The following MID1 variants were observed in gnomAD, a reference collection of about 807,000 sequenced individuals.
MID1 encodes midline 1.
MID1 carries 7 observed loss-of-function variants against 40.4 expected under a neutral mutation model. The ratio of observed to expected loss-of-function variants is 0.17; its 90% CI spans 0.10 to 0.33. The LOEUF is 0.33. MID1 is among the 10% of genes least tolerant of loss of function. The pLI is 1.00. For missense variants in MID1, 367 were observed against 558.5 expected, an observed-to-expected ratio of 0.66 and a Z score of 3.46; for synonymous variants, 229 against 221.2, an observed-to-expected ratio of 1.04 and a Z score of -0.31.
At chrX:10,499,067 A>C (rs144292647) in intron 3 of MID1, among the ~76,000 whole-genome samples, 7,890 of 112,029 alleles carry the variant, frequency 0.07, 577 homozygotes, top group African/African-American at 0.21. Flanking sequence ...TCAGAAATAC[A>C]TGAGGGTTCC....
At chrX:10,667,667 T>C (rs1289732750) in intron 1 of MID1, among the ~76,000 whole-genome samples, 2 of 111,305 alleles carry the variant, frequency 1.8e-5, no homozygotes, top group Non-Finnish European at 3.8e-5. Flanking sequence ...CTAGCATTTG[T>C]GAAGGGGGAC....
chrX:10,761,781 A>G (rs958881540), intron 1 of MID1, among the ~76,000 whole-genome samples: 1 of 112,030 alleles, frequency 8.9e-6, no homozygotes, highest in African/African-American at 3.2e-5. Context: ...CTAAGCCACT[A>G]TGTATGAAGG....
At chrX:10,815,635 A>T (rs192441952) in intron 1 of MID1, among the ~76,000 whole-genome samples, 67 of 112,507 alleles carry the variant, frequency 6.0e-4, no homozygotes, top group African/African-American at 2.1e-3. Flanking sequence ...TGGGAACTGG[A>T]AACCCTAAAG....
chrX:10,707,094 C>T (rs575014851), intron 1 of MID1, among the ~76,000 whole-genome samples: 7 of 111,731 alleles, frequency 6.3e-5, no homozygotes, highest in South Asian at 7.5e-4. Context: ...GTTGTTACTT[C>T]TGGCAGGTTA....
chrX:10,522,759 G>A (rs1368329122), intron 3 of MID1, among the ~76,000 whole-genome samples: 1 of 111,698 alleles, frequency 9.0e-6, no homozygotes, highest in Non-Finnish European at 1.9e-5. Flanking sequence ...GCCTCCCAAA[G>A]TGCTGGGGTT....
At chrX:10,465,214 TACACACAC>T (rs775197915) in intron 7 of MID1, among the ~76,000 whole-genome samples, 53 of 39,882 alleles carry the variant, frequency 1.3e-3, no homozygotes, top group African/African-American at 4.0e-3. Flanking sequence ...TATATATATA[TACACACAC>T]ACACACACAC....
chrX:10,825,131 G>C (rs1225823510), intron 1 of MID1, among the ~76,000 whole-genome samples: 1 of 111,958 alleles, frequency 8.9e-6, no homozygotes, highest in Non-Finnish European at 1.9e-5. Context: ...ATACAGTTCA[G>C]TTCTAAAATA....
At chrX:10,677,160 T>G (rs1321896795) in intron 1 of MID1, among the ~76,000 whole-genome samples, 1 of 112,018 alleles carries the variant, frequency 8.9e-6, no homozygotes, top group East Asian at 2.8e-4. Flanking sequence ...TATGAAAAAG[T>G]GATCGATATG....
chrX:10,753,592 G>A (rs974295254), intron 1 of MID1, among the ~76,000 whole-genome samples: 1 of 110,995 alleles, frequency 9.0e-6, no homozygotes, highest in Non-Finnish European at 1.9e-5. Flanking sequence ...TAAATGAAAG[G>A]TGTTTAAAAT....
intron 1 of MID1, among the ~76,000 whole-genome samples, chrX:10,748,506 C>A (rs897642418): frequency 6.3e-5 from 7 of 111,641 alleles, no homozygotes; most frequent in Non-Finnish European, 1.3e-4. Context: ...GTAAACTTTT[C>A]TCTTAAGTTA....
At chrX:10,654,674 T>C (rs2042857929) in intron 1 of MID1, among the ~76,000 whole-genome samples, 1 of 112,331 alleles carries the variant, frequency 8.9e-6, no homozygotes, top group Non-Finnish European at 1.9e-5. Context: ...AGCCACAGAC[T>C]GGGACCGGTA....
intron 1 of MID1, among the ~76,000 whole-genome samples, chrX:10,586,436 A>C (rs904235584): frequency 9.0e-6 from 1 of 111,479 alleles, no homozygotes; most frequent in African/African-American, 3.3e-5. Flanking sequence ...ACTGATGTTT[A>C]AGGATGGTCT....
intron 2 of MID1, among the ~76,000 whole-genome samples, chrX:10,555,531 C>T (rs1934085389): frequency 9.0e-6 from 1 of 111,078 alleles, no homozygotes; most frequent in Non-Finnish European, 1.9e-5. Flanking sequence ...AACGACTTAT[C>T]TTTGTTTTTC....
intron 3 of MID1, among the ~76,000 whole-genome samples, chrX:10,511,479 G>A (rs951777050): frequency 9.0e-5 from 10 of 111,306 alleles, no homozygotes; most frequent in Non-Finnish European, 1.5e-4. Flanking sequence ...CTTCTTCTGG[G>A]TTCTAGTGAT....
At chrX:10,759,246 A>G (rs144194491) in intron 1 of MID1, among the ~76,000 whole-genome samples, 1,495 of 112,050 alleles carry the variant, frequency 0.013, 24 homozygotes, top group African/African-American at 0.045. Flanking sequence ...CTGTTACTCA[A>G]TTTTGCATAA....
At chrX:10,490,254 C>A (rs991580965) in intron 4 of MID1, among the ~76,000 whole-genome samples, 2 of 111,812 alleles carry the variant, frequency 1.8e-5, no homozygotes, top group African/African-American at 6.5e-5. Flanking sequence ...TCAAGTCTCA[C>A]CCATCTTTTG....
At chrX:10,511,392 T>A (rs1932151110) in intron 3 of MID1, among the ~76,000 whole-genome samples, 1 of 111,557 alleles carries the variant, frequency 9.0e-6, no homozygotes, top group Non-Finnish European at 1.9e-5. Context: ...ATATATATAT[T>A]TTTAAGTTCA....
chrX:10,680,069 AAC>A (rs2043048849), intron 1 of MID1, among the ~76,000 whole-genome samples: 1 of 112,140 alleles, frequency 8.9e-6, no homozygotes, highest in Admixed American at 9.5e-5. Context: ...ATTTTAAAGC[AAC>A]AATTGTATCA....
chrX:10,496,250 G>A (rs945679375), intron 3 of MID1, among the ~76,000 whole-genome samples: 1 of 111,903 alleles, frequency 8.9e-6, no homozygotes, highest in Non-Finnish European at 1.9e-5. Flanking sequence ...TGGTTCAATA[G>A]TTTATTAATC....
Sources: allele counts gnomAD v4.1 joint callset (sites outside exome capture counted in the v4.1 genomes callset), GRCh38; gene constraint gnomAD v4.1.1; transcripts MANE v1.5; gene names NCBI Gene and HGNC (gene_info 2026-07-23, HGNC 2026-07-21).